The following CDH23 variants were observed in gnomAD, a reference collection of about 807,000 sequenced individuals.
The protein encoded by CDH23 is cadherin related 23.
In CDH23, 189 loss-of-function variants were observed where a neutral mutation model predicts 317.1. That is an observed-to-expected ratio of 0.60 (90% CI 0.53 to 0.67). The LOEUF is 0.67. CDH23 is among the 30% of genes least tolerant of loss of function. CDH23 has a pLI of 0.00. For synonymous variants in CDH23, 1,839 were observed against 1,876.8 expected, an observed-to-expected ratio of 0.98 and a Z score of 0.52; for missense variants, 4,401 against 4,592.4, an observed-to-expected ratio of 0.96 and a Z score of 1.20.
intron 9 of CDH23, among the ~76,000 whole-genome samples, chr10:71,605,690 C>G (rs555726914): frequency 6.6e-6 from 1 of 152,302 alleles, no homozygotes; most frequent in Admixed American, 6.5e-5. Flanking sequence ...TCTGTTTTTT[C>G]AAGTTACAAG....
At chr10:71,651,553 C>CAA (rs35848156) in intron 14 of CDH23, among the ~76,000 whole-genome samples, 4,089 of 135,722 alleles carry the variant, frequency 0.03, 202 homozygotes, top group East Asian at 0.17. Flanking sequence ...GACCCTATCT[C>CAA]AAAAAAAAAA....
intron 3 of CDH23, among the ~76,000 whole-genome samples, chr10:71,466,840 G>A (rs1851278363): frequency 6.6e-6 from 1 of 152,014 alleles, no homozygotes. Context: ...CAACCCACAT[G>A]GAAAATCTCC....
intron 3 of CDH23, among the ~76,000 whole-genome samples, chr10:71,471,577 C>T (rs1301010487): frequency 6.6e-6 from 1 of 152,182 alleles, no homozygotes; most frequent in African/African-American, 2.4e-5. Context: ...TTCCTGGACT[C>T]CAGTTGCGTG....
intron 28 of CDH23, among the ~76,000 whole-genome samples, chr10:71,718,606 A>C (rs1341013160): frequency 6.6e-6 from 1 of 152,208 alleles, no homozygotes; most frequent in East Asian, 1.9e-4. Flanking sequence ...CCTCTCTCCT[A>C]CCCTGGACAA....
intron 69 of CDH23, 120 bp downstream of exon 69, chr10:71,813,468 A>G: frequency 1.1e-6 from 1 of 873,892 alleles, no homozygotes; most frequent in Non-Finnish European, 1.8e-6. Context: ...GACCAAAGAC[A>G]GCAATGGGTG....
At chr10:71,653,603 G>A (rs1490479839) in intron 14 of CDH23, among the ~76,000 whole-genome samples, 1 of 152,228 alleles carries the variant, frequency 6.6e-6, no homozygotes, top group Admixed American at 6.5e-5. Context: ...CCAGCAGAAG[G>A]ACATGTTGCT....
intron 6 of CDH23, among the ~76,000 whole-genome samples, chr10:71,525,202 C>T (rs753763574): frequency 6.6e-5 from 10 of 152,338 alleles, no homozygotes; most frequent in East Asian, 1.9e-4. Flanking sequence ...CCACTGTGCC[C>T]GGCCGACACC....
intron 38 of CDH23, among the ~76,000 whole-genome samples, chr10:71,777,317 G>C (rs1326956795): frequency 1.3e-5 from 2 of 152,178 alleles, no homozygotes. Context: ...TCTGAGCTGG[G>C]GTGACTACCA....
intron 22 of CDH23, among the ~76,000 whole-genome samples, chr10:71,696,052 G>A (rs926682511): frequency 1.6e-4 from 24 of 152,230 alleles, no homozygotes; most frequent in African/African-American, 5.8e-4. Context: ...GCCCCTGTGT[G>A]TGTTGTGTGC....
chr10:71,618,828 AGTGTGTGTGCACAC>A (rs1310566923), intron 11 of CDH23, among the ~76,000 whole-genome samples: 1 of 150,842 alleles, frequency 6.6e-6, no homozygotes, highest in Non-Finnish European at 1.5e-5. Flanking sequence ...TGTGTGCTCA[AGTGTGTGTGCACAC>A]GTGTGTGTGT....
At chr10:71,688,853 AGG>A (rs1865035523) in intron 19 of CDH23, among the ~76,000 whole-genome samples, 1 of 123,288 alleles carries the variant, frequency 8.1e-6, no homozygotes, top group African/African-American at 3.0e-5. Flanking sequence ...TGGTGGAGTC[AGG>A]GGTGGTGGAG....
chr10:71,718,897 T>C (rs1259270014), intron 28 of CDH23, among the ~76,000 whole-genome samples: 1 of 151,940 alleles, frequency 6.6e-6, no homozygotes, highest in Non-Finnish European at 1.5e-5. Context: ...TGAGTCTTCA[T>C]TTCTGAAAGA....
At chr10:71,528,719 C>T (rs188188264) in intron 6 of CDH23, among the ~76,000 whole-genome samples, 2 of 152,212 alleles carry the variant, frequency 1.3e-5, no homozygotes, top group Non-Finnish European at 2.9e-5. Context: ...TAGAGCCAGG[C>T]CCCCAGAACC....
chr10:71,709,832 G>A (rs944919145), intron 27 of CDH23, among the ~76,000 whole-genome samples: 72 of 152,192 alleles, frequency 4.7e-4, no homozygotes, highest in African/African-American at 1.7e-3. Flanking sequence ...CAGGAAAAAG[G>A]GTTTAATGGG....
At chr10:71,773,374 G>A (rs370261405) in intron 38 of CDH23, 3 of 1,609,472 alleles carry the variant, frequency 1.9e-6, no homozygotes, top group Non-Finnish European at 2.5e-6. Flanking sequence ...ACGCAGCCAG[G>A]AAGAGAGCGA....
chr10:71,715,765 C>A, intron 28 of CDH23: 1 of 545,358 alleles, frequency 1.8e-6, no homozygotes. Context: ...TTCTGAGGAT[C>A]ATCTTTGGGA....
intron 28 of CDH23, chr10:71,713,062 C>T: frequency 2.7e-6 from 2 of 740,880 alleles, no homozygotes; most frequent in Non-Finnish European, 5.0e-6. Flanking sequence ...GAAGACTTGG[C>T]CTCCCCCTGC....
intron 14 of CDH23, among the ~76,000 whole-genome samples, chr10:71,647,292 G>A (rs895253420): frequency 2.6e-5 from 4 of 152,106 alleles, no homozygotes; most frequent in African/African-American, 7.2e-5. Context: ...GCAAAACCCC[G>A]TCTCTACTAA....
chr10:71,693,506 A>G (rs1004470287), intron 20 of CDH23, among the ~76,000 whole-genome samples: 2 of 152,244 alleles, frequency 1.3e-5, no homozygotes, highest in Non-Finnish European at 2.9e-5. Flanking sequence ...TTAATTATCA[A>G]TGCACGATAA....
Sources: gnomAD v4.1 joint callset for allele counts (sites outside exome capture counted in the v4.1 genomes callset) on GRCh38, gnomAD v4.1.1 for gene constraint, MANE v1.5 for transcripts, NCBI Gene and HGNC (gene_info 2026-07-23, HGNC 2026-07-21) for gene names.